SAXO2: variants seen among roughly 807,000 people sequenced by gnomAD.
SAXO2 encodes stabilizer of axonemal microtubules 2, also known as family with sequence similarity 154, member B.
In SAXO2, 17 loss-of-function variants were observed where a neutral mutation model predicts 18.7. That is an observed-to-expected ratio of 0.91 (90% CI 0.62 to 1.36). The LOEUF is 1.36. Among genes scored for constraint, SAXO2 ranks in the 40% most tolerant of loss-of-function variants. The pLI is 0.00. For synonymous variants in SAXO2, 163 were observed against 181.2 expected (o/e 0.90, Z 0.81); for missense variants, 486 against 562.6 (o/e 0.86, Z 1.38).
intron 2 of SAXO2, 56 bp from the exon 3 acceptor site, chr15:82,271,547 A>T: frequency 7.1e-7 from 1 of 1,401,572 alleles, no homozygotes; most frequent in African/African-American, 1.4e-5. Flanking sequence ...TACTTCATTG[A>T]AATAATTAGG....
intron 2 of SAXO2, among the ~76,000 whole-genome samples, chr15:82,270,954 G>A (rs1277100449): frequency 6.6e-6 from 1 of 152,140 alleles, no homozygotes; most frequent in Non-Finnish European, 1.5e-5. Flanking sequence ...TTACCTCAGT[G>A]TCTGCAGTAC....
chr15:82,269,215 C>T (rs887167412), intron 2 of SAXO2, among the ~76,000 whole-genome samples: 1 of 152,164 alleles, frequency 6.6e-6, no homozygotes, highest in Non-Finnish European at 1.5e-5. Context: ...CAAAATAACT[C>T]TAAAACTGCA....
At chr15:82,263,301 A>G (rs1459545767) in intron 1 of SAXO2, 2 of 1,232,382 alleles carry the variant, frequency 1.6e-6, no homozygotes, top group African/African-American at 3.0e-5. Flanking sequence ...AAGATGAGAA[A>G]GAACAGTGCT....
chr15:82,266,694 G>C (rs2141361379), intron 2 of SAXO2, among the ~76,000 whole-genome samples: 1 of 152,280 alleles, frequency 6.6e-6, no homozygotes, highest in South Asian at 2.1e-4. Flanking sequence ...ACTTGAAAAA[G>C]CCTTCTCTGA....
intron 3 of SAXO2, among the ~76,000 whole-genome samples, chr15:82,274,627 C>T (rs762818963): frequency 7.3e-5 from 11 of 150,514 alleles, no homozygotes; most frequent in African/African-American, 7.3e-5. Context: ...ATCTTGAACC[C>T]GGGAGGTGGA....
chr15:82,278,493 A>T (rs80125075), intron 3 of SAXO2, among the ~76,000 whole-genome samples: 2,562 of 152,378 alleles, frequency 0.017, 34 homozygotes, highest in South Asian at 0.031. Context: ...TAAGTAATCT[A>T]TAGAACGTAG....
At chr15:82,270,493 T>C (rs1383813091) in intron 2 of SAXO2, among the ~76,000 whole-genome samples, 1 of 152,162 alleles carries the variant, frequency 6.6e-6, no homozygotes, top group African/African-American at 2.4e-5. Context: ...CAGACTGAAA[T>C]GGATTGAAGT....
intron 1 of SAXO2, chr15:82,263,189 G>T (rs1300855966): frequency 3.4e-6 from 5 of 1,453,444 alleles, no homozygotes; most frequent in African/African-American, 2.9e-5. Context: ...CCCGGGCCAG[G>T]TAAGTAATAT....
rs1466334387 is a variant in SAXO2, at chr15:82,284,381, T to G, written c.*1319T>G. The stretch of plus-strand genomic sequence containing the variant: ...CTTGGAATGGGGTAAATACAGTGGT[T>G]TGAATAACAGTATTTGCAGAAAGGA... On this transcript the variant is annotated 3_prime_UTR_variant, in exon 4 of 4. Transcript: ENST00000682753. 1 of 152,074 alleles carries G rather than the reference T, an allele frequency of 6.6e-6. No homozygotes were observed. The highest frequency in any genetic ancestry group is 1.5e-5 in the Non-Finnish European group (1 of 68,008). 9.4% of individuals were successfully genotyped at this position (152,074 alleles called of 1,614,324 possible).
At chr15:82,263,669 TAAA>T (rs2075167713) in intron 1 of SAXO2, among the ~76,000 whole-genome samples, 1 of 152,246 alleles carries the variant, frequency 6.6e-6, no homozygotes, top group Non-Finnish European at 1.5e-5. Context: ...AGTCTCATAA[TAAA>T]CACAGTTCAT....
chr15:82,282,320 G>A lies in SAXO2; in HGVS notation c.635G>A (p.Arg212His), dbSNP rs150691873. ...TAPFNGITSHRLDYIPHQLEL... is the reference protein window; with the variant it reads ...TAPFNGITSHHLDYIPHQLEL... ...CCTTTTAATGGTATTACAAGTCATC[G>A]CCTTGATTATATACCTCATCAGCTT... The change falls in exon 4 of 4, where the codon CGC becomes CAC. Residue 212 changes from arginine to histidine, a missense_variant. Transcript: ENST00000682753. 341 of 1,614,106 alleles carry A rather than the reference G, an allele frequency of 2.1e-4. 1 individual carries two copies. Among genetic ancestry groups the A allele is most frequent in the East Asian group, 1.2e-3 (53 of 44,882 alleles).
Position 82,284,519 on chromosome 15 carries a change from G to A in SAXO2, c.*1457G>A, listed in dbSNP as rs924402232. On this transcript the variant is annotated 3_prime_UTR_variant, in exon 4 of 4. Transcript: ENST00000682753. ...TGCCAGGCCAAGTCACTGTTTAGAG[G>A]AAGAACCAGCCCCAGCAGGGGGCAT... 2 of 151,914 alleles carry A rather than the reference G, an allele frequency of 1.3e-5. No individual in the cohort carries two copies. Among genetic ancestry groups the A allele is most frequent in the Non-Finnish European group, 2.9e-5 (2 of 67,992 alleles). 9.4% of individuals were successfully genotyped at this position (151,914 alleles called of 1,614,324 possible).
chr15:82,282,522 T>C lies in SAXO2; in HGVS notation c.837T>C (p.Arg279=), dbSNP rs1326316907. 6.2e-7 allele frequency: 1 copy of C among 1,613,960 alleles called. No individual in the cohort carries two copies. Among genetic ancestry groups the C allele is most frequent in the Non-Finnish European group, 8.5e-7 (1 of 1,180,010 alleles). The change falls in exon 4 of 4, where the codon CGT becomes CGC. Residue 279 remains arginine (R), a synonymous_variant. Coordinates refer to ENST00000682753, the MANE Select transcript of SAXO2 (RefSeq NM_001348699.2). Reference sequence around the variant, plus strand: ...TGTTTGAAGGAAGCACTGAATTCCGTGAAAGTTTTCAACCATGGGAAATCC... The same window carrying C: ...TGTTTGAAGGAAGCACTGAATTCCGCGAAAGTTTTCAACCATGGGAAATCC... ...NALFEGSTEF[R]ESFQPWEIPP... is the part of the protein sequence containing the mutation.
At chr15:82,274,735 A>G (rs1246242258) in intron 3 of SAXO2, among the ~76,000 whole-genome samples, 1 of 151,880 alleles carries the variant, frequency 6.6e-6, no homozygotes, top group East Asian at 1.9e-4. Context: ...GAAATAAATA[A>G]AAATAGAGAC....
rs889197772 is a variant in SAXO2 at position 82,271,764 on chromosome 15, T to C, written c.395T>C (p.Val132Ala). The change falls in exon 3 of 4, where the codon GTT becomes GCT. Residue 132 changes from valine to alanine, a missense_variant. Val to Ala is a moderately conservative substitution (Grantham distance 64, BLOSUM62 0). Transcript: ENST00000682753. Reference sequence around the variant, plus strand: ...ATAGTCCGGCCTTTGGAGAGACAAGTTAAAAAAGGAAAATTGGACACTGTC... The same window carrying C: ...ATAGTCCGGCCTTTGGAGAGACAAGCTAAAAAAGGAAAATTGGACACTGTC... The part of the protein sequence containing the change: ...VAIVRPLERQ[V>A]KKGKLDTVPT... 3.1e-6 allele frequency: 5 copies of C among 1,613,848 alleles called. No homozygotes were observed. In the African/African-American group the frequency reaches 6.7e-5, roughly 22 times the overall value.
In SAXO2 at chr15:82,263,285, A is replaced by G. The variant is rs2075159146; in HGVS notation, c.53+353A>G. On this transcript the variant is annotated intron_variant, in intron 1 of 3. Transcript: ENST00000682753. ...GTGCATTTCCACCCCATAATCCCCC[A>G]CCACGAAGATGAGAAAGAACAGTGC... 7.5e-6 allele frequency: 10 copies of G among 1,331,204 alleles called. No individual in the cohort carries two copies. In the South Asian group the frequency reaches 1.3e-4, roughly 17 times the overall value. The allele number at this position is 1,331,204 out of a possible 1,614,324, so 82.5% of individuals were successfully genotyped here. A position where few individuals can be genotyped will look rare whatever the true frequency, so the allele number is the denominator to read the frequency against.
chr15:82,282,578 A>C lies in SAXO2; in HGVS notation c.893A>C (p.Tyr298Ser), dbSNP rs1294013684. ...CCTGAGGTCAAGAAAGTACCAGAGT[A>C]TGTGCCTCCTACAGGTAGCATGCTG... ...PPPEVKKVPE[Y>S]VPPTGSMLLN... is the part of the protein sequence containing the mutation. Residue 298 changes from tyrosine to serine, a missense_variant, in exon 4 of 4, where the codon TAT becomes TCT. Physicochemically the swap from Tyr to Ser is moderately radical, Grantham distance 144 (BLOSUM62 -2). Coordinates refer to ENST00000682753, the MANE Select transcript of SAXO2 (RefSeq NM_001348699.2). 6.2e-7 allele frequency: 1 copy of C among 1,614,176 alleles called. No homozygotes were observed. The highest frequency in any genetic ancestry group is 8.5e-7 in the Non-Finnish European group (1 of 1,180,004).
At chr15:82,277,754 C>T (rs2075327770) in intron 3 of SAXO2, among the ~76,000 whole-genome samples, 2 of 152,152 alleles carry the variant, frequency 1.3e-5, no homozygotes, top group Admixed American at 1.3e-4. Context: ...CAAAGCAGGG[C>T]ATGGAATGAA....
intron 2 of SAXO2, among the ~76,000 whole-genome samples, chr15:82,270,006 A>G (rs1204508746): frequency 6.6e-6 from 1 of 152,182 alleles, no homozygotes; most frequent in Non-Finnish European, 1.5e-5. Context: ...TTGAGGGGAA[A>G]TAGCGAGTTG....
Sources: allele counts gnomAD v4.1 joint callset (sites outside exome capture counted in the v4.1 genomes callset), GRCh38; gene constraint gnomAD v4.1.1; transcripts MANE v1.5; gene names NCBI Gene and HGNC (gene_info 2026-07-23, HGNC 2026-07-21).